Variants in DIP2C observed in about 807,000 individuals in gnomAD.
DIP2C encodes DIP2 acetate--CoA ligase C (putative).
DIP2C carries 33 observed loss-of-function variants against 192.4 expected under a neutral mutation model. The ratio of observed to expected loss-of-function variants is 0.17; its 90% CI spans 0.13 to 0.23. DIP2C has a LOEUF of 0.23. DIP2C is among the 10% of genes least tolerant of loss of function. The probability of loss-of-function intolerance (pLI) is 1.00; values close to 1 mark genes in which losing one functional copy is unlikely to be tolerated. For synonymous variants in DIP2C, 979 were observed against 864.1 expected (o/e 1.13, Z -2.33); for missense variants, 1,537 against 2,110.1 (o/e 0.73, Z 5.32).
In DIP2C at chr10:483,729, G is replaced by C. The variant is rs556050057; in HGVS notation, c.157+2730C>G. 1.8e-4 allele frequency among the ~76,000 whole-genome samples: 27 copies of C among 152,354 alleles called. No homozygotes were observed. The East Asian group carries it at 5.2e-3, about 29-fold the overall frequency. Reference sequence around the variant, plus strand: ...AGAGGGCCCAGAGAGGAGGAACGCAGTGGAGGCCAGGAGGCGAGGCGGGGT... The same window carrying C: ...AGAGGGCCCAGAGAGGAGGAACGCACTGGAGGCCAGGAGGCGAGGCGGGGT... On this transcript the variant is annotated intron_variant, in intron 2 of 36. Coordinates refer to ENST00000280886, the MANE Select transcript of DIP2C (RefSeq NM_014974.3).
chr10:390,759 T>C lies in DIP2C; in HGVS notation c.1365A>G (p.Gly455=), dbSNP rs747041288. 6.2e-7 allele frequency: 1 copy of C among 1,614,042 alleles called. No homozygotes were observed. Among genetic ancestry groups the C allele is most frequent in the South Asian group, 1.1e-5 (1 of 91,060 alleles). Residue 455 remains glycine (G), a synonymous_variant, in exon 11 of 37, where the codon GGA becomes GGG. Transcript: ENST00000280886. ...CHKGLPKSPT[G]EIPQFKGWPK... ...GCTTACCTTTAAACTGTGGGATCTCTCCCGTTGGGCTTTTTGGAAGTCCTT... is the reference window on the plus strand; with the variant it reads ...GCTTACCTTTAAACTGTGGGATCTCCCCCGTTGGGCTTTTTGGAAGTCCTT...
In DIP2C at chr10:413,920, G is replaced by T; in HGVS notation, c.1050C>A (p.Leu350=). 6.2e-7 allele frequency: 1 copy of T among 1,613,854 alleles called. No individual in the cohort carries two copies. The highest frequency in any genetic ancestry group is 8.5e-7 in the Non-Finnish European group (1 of 1,179,850). The change falls in exon 8 of 37, where the codon CTC becomes CTA. Residue 350 remains leucine (L), a synonymous_variant. Coordinates refer to ENST00000280886, the MANE Select transcript of DIP2C (RefSeq NM_014974.3). ...AGTGAGCCTGGGGATTACCGTAAGT[G>T]AGGATGTAGAGGGGCTTCCCGTTGG... ...MDTNGKPLYI[L]TYGKLWTRSM...
At chr10:681,024 T>C (rs1196091601) in intron 1 of DIP2C, among the ~76,000 whole-genome samples, 2 of 149,344 alleles carry the variant, frequency 1.3e-5, no homozygotes, top group African/African-American at 4.9e-5. Context: ...CAGGCCCCAG[T>C]TGCATGGTAC....
intron 2 of DIP2C, among the ~76,000 whole-genome samples, chr10:482,324 T>C (rs1308802931): frequency 6.6e-6 from 1 of 152,160 alleles, no homozygotes; most frequent in East Asian, 1.9e-4. Context: ...GTGCAGACAG[T>C]GTAGAGCTTA....
At chr10:486,395 T>C in intron 2 of DIP2C, 64 bp downstream of exon 2, 1 of 1,441,642 alleles carries the variant, frequency 6.9e-7, no homozygotes, top group Non-Finnish European at 9.3e-7. Flanking sequence ...CCTCCAGATG[T>C]TTCTCTGGCA....
At chr10:628,115 A>G (rs816564) in intron 1 of DIP2C, among the ~76,000 whole-genome samples, 143,901 of 152,290 alleles carry the variant, frequency 0.94, 68,567 homozygotes, top group Non-Finnish European at 1. Flanking sequence ...CTAACCAAGC[A>G]AGAAACTGAG....
intron 1 of DIP2C, among the ~76,000 whole-genome samples, chr10:678,560 ATGCTCCCCACG>A (rs1564334926): frequency 3.7e-4 from 53 of 142,806 alleles, no homozygotes; most frequent in African/African-American, 1.3e-3. Context: ...CCCCATGCCC[ATGCTCCCCACG>A]CCCGTCCTCC....
chr10:349,343 C>T lies in DIP2C; in HGVS notation c.3097G>A (p.Val1033Ile), dbSNP rs369087804. Reference sequence around the variant, plus strand: ...CCTGCGCCTGTACCTGGGGGGTAGACCAAGGCCACGTGGTCGCCGTCCTGA... The same window carrying T: ...CCTGCGCCTGTACCTGGGGGGTAGATCAAGGCCACGTGGTCGCCGTCCTGA... The part of the protein sequence containing the change: ...HLQDGDHVAL[V>I]YPPGIDLIAA... Residue 1033 changes from valine to isoleucine, a missense_variant, in exon 25 of 37, where the codon GTC becomes ATC. Val to Ile is a conservative substitution (Grantham distance 29). This residue lies in a region of DIP2C where 677 missense variants were observed against 989.9 expected (regional missense o/e 0.68). Transcript: ENST00000280886. 1.9e-6 allele frequency: 3 copies of T among 1,608,158 alleles called. No individual in the cohort carries two copies. Among genetic ancestry groups the T allele is most frequent in the Non-Finnish European group, 2.5e-6 (3 of 1,178,984 alleles).
intron 28 of DIP2C, among the ~76,000 whole-genome samples, chr10:342,803 A>T (rs960658731): frequency 6.6e-6 from 1 of 152,210 alleles, no homozygotes; most frequent in Non-Finnish European, 1.5e-5. Context: ...GACAGTGAAG[A>T]GCTTCCGCAT....
chr10:443,648 G>T (rs1330911710), intron 3 of DIP2C, among the ~76,000 whole-genome samples: 1 of 152,168 alleles, frequency 6.6e-6, no homozygotes, highest in Non-Finnish European at 1.5e-5. Context: ...GGTACCTCCT[G>T]CTGCAACCCA....
intron 1 of DIP2C, among the ~76,000 whole-genome samples, chr10:599,112 T>C (rs1024394801): frequency 6.6e-6 from 1 of 152,248 alleles, no homozygotes; most frequent in Admixed American, 6.5e-5. Context: ...TCTCCCAGCG[T>C]GGGAGCCAAG....
intron 2 of DIP2C, among the ~76,000 whole-genome samples, chr10:483,275 G>A (rs140048902): frequency 6.6e-6 from 1 of 152,360 alleles, no homozygotes; most frequent in Non-Finnish European, 1.5e-5. Flanking sequence ...AGGCAAGTGC[G>A]CAGCAGCACA....
intron 1 of DIP2C, among the ~76,000 whole-genome samples, chr10:623,220 A>G (rs1315083527): frequency 6.6e-6 from 1 of 151,822 alleles, no homozygotes; most frequent in Non-Finnish European, 1.5e-5. Context: ...TGCCGAGGGG[A>G]TGCTGCAGCC....
intron 1 of DIP2C, among the ~76,000 whole-genome samples, chr10:580,348 T>C (rs1672546): frequency 0.027 from 4,138 of 152,228 alleles, 185 homozygotes; most frequent in African/African-American, 0.094. Flanking sequence ...GTAGTGTACA[T>C]GCATGCTTAC....
intron 30 of DIP2C, among the ~76,000 whole-genome samples, chr10:327,912 G>A (rs959899863): frequency 6.6e-6 from 1 of 152,158 alleles, no homozygotes; most frequent in African/African-American, 2.4e-5. Flanking sequence ...GGAATTCAAG[G>A]AGTTAAGCTC....
intron 17 of DIP2C, among the ~76,000 whole-genome samples, chr10:381,359 A>G (rs1442769226): frequency 1.3e-5 from 2 of 152,228 alleles, no homozygotes; most frequent in Non-Finnish European, 2.9e-5. Context: ...TCTAGTTTTC[A>G]GGACACTGTC....
intron 1 of DIP2C, among the ~76,000 whole-genome samples, chr10:641,355 C>G (rs1401976616): frequency 6.6e-6 from 1 of 152,150 alleles, no homozygotes; most frequent in African/African-American, 2.4e-5. Context: ...GCACTCAGAC[C>G]CCGCCAGGAA....
intron 1 of DIP2C, among the ~76,000 whole-genome samples, chr10:524,899 C>T (rs1301706309): frequency 6.9e-6 from 1 of 145,426 alleles, no homozygotes; most frequent in Non-Finnish European, 1.5e-5. Context: ...GGAAGATGCC[C>T]GTGCAGATGT....
intron 9 of DIP2C, among the ~76,000 whole-genome samples, chr10:400,212 G>A (rs1318989863): frequency 1.3e-5 from 2 of 152,106 alleles, no homozygotes; most frequent in Non-Finnish European, 2.9e-5. Context: ...ATCTTTAGAT[G>A]GGGTCTCGTT....
Sources: gnomAD v4.1 joint callset for allele counts (sites outside exome capture counted in the v4.1 genomes callset) on GRCh38, gnomAD v4.1.1 for gene constraint, gnomAD v4.1.1 regional missense constraint, MANE v1.5 for transcripts, NCBI Gene and HGNC (gene_info 2026-07-23, HGNC 2026-07-21) for gene names.